Variants in TMEM63C observed in about 807,000 individuals in gnomAD.
TMEM63C encodes the protein osmosensitive cation channel TMEM63C.
In TMEM63C, 32 loss-of-function variants were observed where a neutral mutation model predicts 99.2. That is an observed-to-expected ratio of 0.32 (90% CI 0.24 to 0.43). TMEM63C has a LOEUF of 0.43. Among genes scored for constraint, TMEM63C ranks in the 20% least tolerant of loss-of-function variants. The probability of loss-of-function intolerance (pLI) is 1.00; values close to 1 mark genes in which losing one functional copy is unlikely to be tolerated. For synonymous variants in TMEM63C, 376 were observed against 397.9 expected, an observed-to-expected ratio of 0.94 and a Z score of 0.66; for missense variants, 826 against 1,053.0, an observed-to-expected ratio of 0.78 and a Z score of 2.98.
intron 1 of TMEM63C, among the ~76,000 whole-genome samples, chr14:77,184,034 A>G (rs1887956439): frequency 6.6e-6 from 1 of 152,310 alleles, no homozygotes; most frequent in South Asian, 2.1e-4. Context: ...TCTCTACCTG[A>G]TAGCTAGGCA....
At chr14:77,240,060 T>G (rs1217618430) in intron 12 of TMEM63C, among the ~76,000 whole-genome samples, 1 of 152,142 alleles carries the variant, frequency 6.6e-6, no homozygotes, top group Non-Finnish European at 1.5e-5. Context: ...ACAGAAACAT[T>G]TGAAGGCAAC....
chr14:77,194,332 A>ATGTG lies in TMEM63C; in HGVS notation c.-77+12439_-77+12440insGTGT, dbSNP rs1363601543. The stretch of plus-strand genomic sequence containing the variant: ...AATAAAGATGCAGGCATAGATATAT[A>ATGTG]TATATGTGTGTGTGTGTGTGTGTGT... On this transcript the variant is annotated intron_variant, in intron 1 of 23. Transcript: ENST00000298351. 7.9e-3 allele frequency among the ~76,000 whole-genome samples: 467 copies of ATGTG among 59,384 alleles called. 4 individuals carry two copies. Among genetic ancestry groups the ATGTG allele is most frequent in the Non-Finnish European group, 9.8e-3 (274 of 27,898 alleles). 39.0% of individuals were successfully genotyped at this position (59,384 alleles called of 152,430 possible).
chr14:77,200,278 A>G (rs1231821192), intron 1 of TMEM63C, among the ~76,000 whole-genome samples: 1 of 152,188 alleles, frequency 6.6e-6, no homozygotes, highest in African/African-American at 2.4e-5. Flanking sequence ...GATGATCCCC[A>G]GAGCCACATG....
chr14:77,192,787 AAGGAGG>A (rs913900453), intron 1 of TMEM63C, among the ~76,000 whole-genome samples: 1 of 151,872 alleles, frequency 6.6e-6, no homozygotes, highest in Non-Finnish European at 1.5e-5. Flanking sequence ...GACAAAGACG[AAGGAGG>A]AGGAGGAGGA....
chr14:77,218,241 G>C (rs113756480), intron 2 of TMEM63C, among the ~76,000 whole-genome samples: 4,480 of 100,662 alleles, frequency 0.045, 193 homozygotes, highest in Admixed American at 0.17. Context: ...AAAAAAAAAA[G>C]AGGGGGGTGT....
chr14:77,246,288 C>A (rs945690814), intron 17 of TMEM63C, among the ~76,000 whole-genome samples: 1 of 152,202 alleles, frequency 6.6e-6, no homozygotes, highest in Non-Finnish European at 1.5e-5. Flanking sequence ...CACATGGGAA[C>A]AACACAGCCA....
intron 6 of TMEM63C, among the ~76,000 whole-genome samples, chr14:77,226,225 T>C (rs1001012853): frequency 3.3e-5 from 5 of 152,100 alleles, no homozygotes; most frequent in Admixed American, 6.5e-5. Context: ...GTCCTGCCCA[T>C]CCTTTAAACC....
rs946107213 is a variant in TMEM63C, at chr14:77,257,809, G to A, written c.*1083G>A. 1.3e-5 allele frequency: 2 copies of A among 152,540 alleles called. No homozygotes were observed. The highest frequency in any genetic ancestry group is 2.9e-5 in the Non-Finnish European group (2 of 68,326). The allele number at this position is 152,540 out of a possible 1,614,324, so 9.4% of individuals were successfully genotyped here. A position where few individuals can be genotyped will look rare whatever the true frequency, so the allele number is the denominator to read the frequency against. ...TTCCTCCCTTCTCGGGGCTGCCCCT[G>A]CACCCTGCCTTGAAGACCACCCAAG... On this transcript the variant is annotated 3_prime_UTR_variant, in exon 24 of 24. Coordinates refer to ENST00000298351, the MANE Select transcript of TMEM63C (RefSeq NM_020431.4).
At chr14:77,199,295 C>A (rs1888258887) in intron 1 of TMEM63C, among the ~76,000 whole-genome samples, 1 of 152,198 alleles carries the variant, frequency 6.6e-6, no homozygotes, top group Non-Finnish European at 1.5e-5. Context: ...AGAAGCTCTT[C>A]TAGTCCCAGC....
At chr14:77,233,855 G>A (rs117767740) in intron 8 of TMEM63C, among the ~76,000 whole-genome samples, 1,808 of 152,282 alleles carry the variant, frequency 0.012, 16 homozygotes, top group East Asian at 0.034. Flanking sequence ...ATAGGTTCCA[G>A]TCAGCCGTCA....
chr14:77,224,421 G>T (rs945127705), intron 5 of TMEM63C, among the ~76,000 whole-genome samples: 1 of 152,094 alleles, frequency 6.6e-6, no homozygotes, highest in Admixed American at 6.5e-5. Flanking sequence ...GTTCACAGAA[G>T]TGCACATGAC....
chr14:77,191,401 C>T (rs769160432), intron 1 of TMEM63C, among the ~76,000 whole-genome samples: 12 of 151,998 alleles, frequency 7.9e-5, no homozygotes, highest in South Asian at 2.1e-4. Flanking sequence ...GAGAATGTTC[C>T]GTATGTGCTT....
At position 77,256,639 on chromosome 14, in the gene TMEM63C, G is replaced by C. The variant is rs766593437; in HGVS notation, c.2334G>C (p.Glu778Asp). ...MNNQPEEGEE[E>D]SGLRGFAREL... is the part of the protein sequence containing the mutation. Reference sequence around the variant, plus strand: ...ACCAGCCGGAAGAGGGAGAAGAAGAGAGTGGTCTGAGGGGCTTTGCGAGGG... The same window carrying C: ...ACCAGCCGGAAGAGGGAGAAGAAGACAGTGGTCTGAGGGGCTTTGCGAGGG... The change falls in exon 24 of 24, where the codon GAG (glutamate) becomes GAC (aspartate). Residue 778 changes from glutamate to aspartate, a missense_variant. Glu to Asp is a conservative substitution (Grantham distance 45). Coordinates refer to ENST00000298351, the MANE Select transcript of TMEM63C (RefSeq NM_020431.4). The C allele has an allele frequency of 5.6e-6, 9 of 1,614,030 alleles. No homozygotes were observed. The highest frequency in any genetic ancestry group is 7.6e-6 in the Non-Finnish European group (9 of 1,179,898).
intron 12 of TMEM63C, 41 bp from the exon 13 acceptor site, chr14:77,240,434 G>C: frequency 6.3e-7 from 1 of 1,579,496 alleles, no homozygotes; most frequent in South Asian, 1.1e-5. Flanking sequence ...AGGCCTTCCT[G>C]GGGCTCTGGC....
At chr14:77,231,117 G>A (rs1888931837) in intron 6 of TMEM63C, among the ~76,000 whole-genome samples, 1 of 152,220 alleles carries the variant, frequency 6.6e-6, no homozygotes, top group African/African-American at 2.4e-5. Context: ...CCAGCACTTA[G>A]TGTTGTCCAA....
At chr14:77,190,843 A>G (rs2110913) in intron 1 of TMEM63C, among the ~76,000 whole-genome samples, 150,098 of 152,314 alleles carry the variant, frequency 0.99, 73,995 homozygotes, top group Middle Eastern at 1. Context: ...AGGAAAGAAT[A>G]ATCATGACTG....
chr14:77,238,671 C>A, intron 9 of TMEM63C, 23 bp from the exon 10 acceptor site: 2 of 1,597,680 alleles, frequency 1.3e-6, no homozygotes, highest in Middle Eastern at 1.7e-4. Flanking sequence ...TCTTCTTTCT[C>A]CATTTTTATT....
chr14:77,236,522 G>T lies in TMEM63C; in HGVS notation c.543-102G>T, dbSNP rs565513576. 317 of 787,002 alleles carry T rather than the reference G, an allele frequency of 4.0e-4. No individual in the cohort carries two copies. In the African/African-American group the frequency reaches 4.7e-3, roughly 12 times the overall value. 48.8% of individuals were successfully genotyped at this position (787,002 alleles called of 1,614,324 possible). On this transcript the variant is annotated intron_variant, in intron 8 of 23. Coordinates refer to ENST00000298351, the MANE Select transcript of TMEM63C (RefSeq NM_020431.4). Reference sequence around the variant, plus strand: ...TGAGGAGACTGTGATGGGCTGGGGGGCCCCAGGAGACTGAGGGTAGGAGGA... The same window carrying T: ...TGAGGAGACTGTGATGGGCTGGGGGTCCCCAGGAGACTGAGGGTAGGAGGA...
intron 1 of TMEM63C, among the ~76,000 whole-genome samples, chr14:77,197,513 A>G (rs1306542659): frequency 1.3e-5 from 2 of 152,230 alleles, no homozygotes; most frequent in Non-Finnish European, 1.5e-5. Flanking sequence ...CATCTGTAAA[A>G]TGGGGTTAAC....
Sources: gnomAD v4.1 joint callset for allele counts (sites outside exome capture counted in the v4.1 genomes callset) on GRCh38, gnomAD v4.1.1 for gene constraint, MANE v1.5 for transcripts, NCBI Gene and HGNC (gene_info 2026-07-23, HGNC 2026-07-21) for gene names.